Variants in TBX15 observed in about 807,000 individuals in gnomAD.
TBX15 encodes the protein T-box transcription factor 15.
Under a neutral mutation model 53.9 loss-of-function variants are expected in TBX15, and 18 were observed. The observed-to-expected ratio is 0.33, with a 90% CI of 0.23 to 0.49. TBX15 has a LOEUF of 0.49. Among genes scored for constraint, TBX15 ranks in the 20% least tolerant of loss-of-function variants. TBX15 has a pLI of 0.98. For missense variants in TBX15, 692 were observed against 749.5 expected (o/e 0.92, Z 0.90); for synonymous variants, 295 against 278.0 (o/e 1.06, Z -0.61).
intron 1 of TBX15, among the ~76,000 whole-genome samples, chr1:118,973,418 G>T (rs1657302704): frequency 6.6e-6 from 1 of 151,848 alleles, no homozygotes; most frequent in African/African-American, 2.4e-5. Flanking sequence ...ATACACTACA[G>T]GGTTAGTACT....
At chr1:118,893,269 A>AGAGG (rs1654219074) in intron 7 of TBX15, among the ~76,000 whole-genome samples, 1 of 61,086 alleles carries the variant, frequency 1.6e-5, no homozygotes, top group Non-Finnish European at 2.7e-5. Flanking sequence ...AAAGAAAGGA[A>AGAGG]GAAGGAAGGA....
intron 4 of TBX15, among the ~76,000 whole-genome samples, chr1:118,924,421 G>A (rs1655526649): frequency 1.3e-5 from 2 of 152,272 alleles, no homozygotes; most frequent in Non-Finnish European, 1.5e-5. Flanking sequence ...CAAGGACTTT[G>A]TCTGGTAAAC....
chr1:118,957,840 A>G (rs1656745224), intron 1 of TBX15, among the ~76,000 whole-genome samples: 1 of 152,170 alleles, frequency 6.6e-6, no homozygotes, highest in Admixed American at 6.5e-5. Context: ...CATGGTGTAT[A>G]TGTGCCACAT....
chr1:118,893,350 AAGGAAG>A, intron 7 of TBX15, among the ~76,000 whole-genome samples: 10 of 87,422 alleles, frequency 1.1e-4, no homozygotes, highest in African/African-American at 5.8e-4. Context: ...GGAAGGAAGG[AAGGAAG>A]GAAAGAAAGA....
In TBX15 at chr1:118,958,013, T is replaced by A. The variant is rs1656750689; in HGVS notation, c.206-26181A>T. 2.6e-5 allele frequency among the ~76,000 whole-genome samples: 4 copies of A among 152,298 alleles called. No homozygotes were observed. The South Asian group carries it at 8.3e-4, about 32-fold the overall frequency. ...AATGCAATATTTTTAAAAATTAAAA[T>A]TAATGCAAAAATTTGCCATGAATGA... On this transcript the variant is annotated intron_variant, in intron 1 of 7. Transcript: ENST00000369429.
At chr1:118,957,295 C>T (rs1289877937) in intron 1 of TBX15, among the ~76,000 whole-genome samples, 2 of 152,072 alleles carry the variant, frequency 1.3e-5, no homozygotes, top group Non-Finnish European at 2.9e-5. Context: ...TCAGACCTTG[C>T]CCCTTTGACT....
chr1:118,949,334 C>T (rs994838755), intron 1 of TBX15, among the ~76,000 whole-genome samples: 4 of 152,194 alleles, frequency 2.6e-5, no homozygotes, highest in East Asian at 1.9e-4. Flanking sequence ...CCCAGATTTT[C>T]CAGAGGCATC....
intron 5 of TBX15, among the ~76,000 whole-genome samples, chr1:118,916,887 A>C (rs1244061572): frequency 6.6e-6 from 1 of 151,994 alleles, no homozygotes. Context: ...AAGAAATAAA[A>C]AATAAAAATA....
chr1:118,896,685 ACTAGAAG>A (rs763419648), intron 7 of TBX15, among the ~76,000 whole-genome samples: 17 of 152,300 alleles, frequency 1.1e-4, no homozygotes, highest in South Asian at 8.3e-4. Context: ...TGCAGTTTCC[ACTAGAAG>A]CTCATTCCTC....
chr1:118,904,079 G>T (rs1654729983), intron 6 of TBX15, among the ~76,000 whole-genome samples: 1 of 152,114 alleles, frequency 6.6e-6, no homozygotes, highest in African/African-American at 2.4e-5. Flanking sequence ...CATGTTTTGG[G>T]GACATAGTTC....
At chr1:118,969,531 T>C (rs1245196216) in intron 1 of TBX15, among the ~76,000 whole-genome samples, 3 of 152,204 alleles carry the variant, frequency 2.0e-5, no homozygotes, top group Non-Finnish European at 4.4e-5. Flanking sequence ...TCATGACCTA[T>C]AATCAGATCT....
rs113226637 is a variant in TBX15, at chr1:118,938,030, A to G, written c.206-6198T>C. Among the ~76,000 whole-genome samples the G allele has an allele frequency of 1.6e-3, 250 of 152,278 alleles. 1 individual carries two copies. Among genetic ancestry groups the G allele is most frequent in the African/African-American group, 5.6e-3 (233 of 41,566 alleles). The stretch of plus-strand genomic sequence containing the variant: ...TCAGATTTTATCGAGTATCTTAGAG[A>G]ATGCTGGTGACGAAATTTTTCATAG... On this transcript the variant is annotated intron_variant, in intron 1 of 7. Transcript: ENST00000369429.
chr1:118,954,204 G>A (rs1048318365), intron 1 of TBX15, among the ~76,000 whole-genome samples: 2 of 152,180 alleles, frequency 1.3e-5, no homozygotes, highest in Non-Finnish European at 2.9e-5. Context: ...AAGCTAAGGA[G>A]TTTCCCTGCT....
At chr1:118,935,024 AGTTACT>A (rs1396723340) in intron 1 of TBX15, among the ~76,000 whole-genome samples, 1 of 152,186 alleles carries the variant, frequency 6.6e-6, no homozygotes, top group Admixed American at 6.5e-5. Flanking sequence ...CTTGAAATAA[AGTTACT>A]GTTACTTTTA....
In TBX15 at chr1:118,924,855, A is replaced by G. The variant is rs1055375778; in HGVS notation, c.522-38T>C. On this transcript the variant is annotated intron_variant, in intron 3 of 7. Transcript: ENST00000369429. ...GGAAGAGAGGAAAATTCAGAGACAG[A>G]GGCAGAGAAGGGACAGAGGCCCAGG... 3.1e-6 allele frequency: 5 copies of G among 1,612,204 alleles called. No homozygotes were observed. In the African/African-American group the frequency reaches 6.7e-5, roughly 22 times the overall value.
chr1:118,909,647 A>G (rs1654965603), intron 6 of TBX15, among the ~76,000 whole-genome samples: 1 of 152,180 alleles, frequency 6.6e-6, no homozygotes, highest in African/African-American at 2.4e-5. Context: ...CAGTGGCATG[A>G]TTTCGGCTCA....
chr1:118,916,281 C>T (rs1655215761), intron 5 of TBX15, among the ~76,000 whole-genome samples: 2 of 152,190 alleles, frequency 1.3e-5, no homozygotes, highest in Non-Finnish European at 2.9e-5. Flanking sequence ...GTAGGAATTA[C>T]TCCATGTTGA....
chr1:118,944,565 G>C (rs996879096), intron 1 of TBX15, among the ~76,000 whole-genome samples: 2 of 152,176 alleles, frequency 1.3e-5, no homozygotes, highest in African/African-American at 4.8e-5. Flanking sequence ...TTCCAAAATA[G>C]CTGGTGTGTT....
intron 6 of TBX15, among the ~76,000 whole-genome samples, chr1:118,913,217 A>C (rs1411137069): frequency 6.8e-6 from 1 of 146,292 alleles, no homozygotes; most frequent in Non-Finnish European, 1.5e-5. Flanking sequence ...AATGTAAATA[A>C]ATGCCCTCAA....
Sources: gnomAD v4.1 joint callset for allele counts (sites outside exome capture counted in the v4.1 genomes callset) on GRCh38, gnomAD v4.1.1 for gene constraint, MANE v1.5 for transcripts, NCBI Gene and HGNC (gene_info 2026-07-23, HGNC 2026-07-21) for gene names.